Variants in HTR4 observed in about 807,000 individuals in gnomAD.
HTR4 encodes the protein 5-hydroxytryptamine receptor 4, also known as 5-hydroxytryptamine (serotonin) receptor 4, G protein-coupled.
A neutral mutation model predicts 36.8 loss-of-function variants in HTR4; 16 were observed. The ratio of observed to expected loss-of-function variants is 0.43; its 90% confidence interval spans 0.29 to 0.66. The LOEUF (loss-of-function observed/expected upper bound fraction) is 0.66. Among genes scored for constraint, HTR4 ranks in the 30% least tolerant of loss-of-function variants. The probability of loss-of-function intolerance (pLI) is 0.13; values close to 1 mark genes in which losing one functional copy is unlikely to be tolerated. For missense variants in HTR4, 438 were observed against 490.9 expected, an observed-to-expected ratio of 0.89 and a Z score of 1.02; for synonymous variants, 189 against 185.1, an observed-to-expected ratio of 1.02 and a Z score of -0.17.
chr5:148,490,632 C>G, intron 6 of HTR4: 4 of 1,171,052 alleles, frequency 3.4e-6, no homozygotes, highest in Non-Finnish European at 4.3e-6. Flanking sequence ...AATGAACATT[C>G]AGTTCTTCCA....
chr5:148,456,421 G>A, intron 5 of HTR4, among the ~76,000 whole-genome samples: 1 of 152,128 alleles, frequency 6.6e-6, no homozygotes, highest in East Asian at 1.9e-4. Context: ...CAGTCTGTAG[G>A]CCCATTCATG....
At chr5:148,512,669 A>C (rs1318262221) in intron 5 of HTR4, among the ~76,000 whole-genome samples, 1 of 152,152 alleles carries the variant, frequency 6.6e-6, no homozygotes, top group Non-Finnish European at 1.5e-5. Flanking sequence ...GGTGACTTAC[A>C]TCTGTAATCC....
chr5:148,584,679 C>T (rs909882534), intron 2 of HTR4, among the ~76,000 whole-genome samples: 1 of 152,178 alleles, frequency 6.6e-6, no homozygotes, highest in Non-Finnish European at 1.5e-5. Flanking sequence ...CTCCATCAAG[C>T]TACTCTCTTT....
intron 2 of HTR4, among the ~76,000 whole-genome samples, chr5:148,618,022 C>T (rs1270431508): frequency 6.6e-6 from 1 of 151,852 alleles, no homozygotes; most frequent in African/African-American, 2.4e-5. Flanking sequence ...CCTGGGCCAG[C>T]TCTCTCCAAA....
intron 1 of HTR4, among the ~76,000 whole-genome samples, chr5:148,641,769 C>T (rs184688234): frequency 6.6e-6 from 1 of 152,174 alleles, no homozygotes; most frequent in Non-Finnish European, 1.5e-5. Flanking sequence ...GTTTTAAGTG[C>T]AAACCCCAAA....
downstream of HTR4, among the ~76,000 whole-genome samples, chr5:148,478,065 CAA>C (rs1322541090): frequency 2.6e-5 from 4 of 152,284 alleles, no homozygotes; most frequent in Middle Eastern, 3.4e-3. Flanking sequence ...TAGTTTCTGA[CAA>C]GAGAGAGTAG....
chr5:148,483,102 C>CG lies in HTR4; in HGVS notation c.*100_*101insC, dbSNP rs1755967500. Reference sequence around the variant, plus strand: ...TCCTGCACTGGCGGACGGAAAGCCTCAGGTGAAGAGAATACCGGGTGCAGT... The same window carrying CG: ...TCCTGCACTGGCGGACGGAAAGCCTCGAGGTGAAGAGAATACCGGGTGCAGT... On this transcript the variant is annotated 3_prime_UTR_variant, in exon 7 of 7. Coordinates refer to ENST00000377888, the MANE Select transcript of HTR4 (RefSeq NM_000870.7). 8 of 1,557,968 alleles carry CG rather than the reference C, an allele frequency of 5.1e-6. No homozygotes were observed. The highest frequency in any genetic ancestry group is 7.0e-6 in the Non-Finnish European group (8 of 1,148,850).
At chr5:148,508,173 C>G (rs964257886) in intron 6 of HTR4, among the ~76,000 whole-genome samples, 1 of 152,094 alleles carries the variant, frequency 6.6e-6, no homozygotes, top group African/African-American at 2.4e-5. Context: ...AAAATATCCC[C>G]CAATTTTCAG....
At position 148,530,534 on chromosome 5, in the gene HTR4, T is replaced by C. The variant is rs185861704; in HGVS notation, c.354-7188A>G. On this transcript the variant is annotated intron_variant, in intron 4 of 6. Coordinates refer to ENST00000377888, the MANE Select transcript of HTR4 (RefSeq NM_000870.7). Reference sequence around the variant, plus strand: ...ACCTCCACCTAGATTACAGAGGATGTATGGAAATGCCTGGATGCCCAGGCA... The same window carrying C: ...ACCTCCACCTAGATTACAGAGGATGCATGGAAATGCCTGGATGCCCAGGCA... 2.6e-4 allele frequency among the ~76,000 whole-genome samples: 40 copies of C among 152,224 alleles called. No homozygotes were observed. The East Asian group carries it at 5.6e-3, about 21-fold the overall frequency.
At chr5:148,458,747 G>A (rs751392282) in intron 5 of HTR4, among the ~76,000 whole-genome samples, 2 of 152,132 alleles carry the variant, frequency 1.3e-5, no homozygotes, top group Non-Finnish European at 2.9e-5. Context: ...CTAAGATGAG[G>A]GCACAAAGTC....
At chr5:148,453,951 T>G (rs1755036055) in intron 5 of HTR4, among the ~76,000 whole-genome samples, 1 of 152,154 alleles carries the variant, frequency 6.6e-6, no homozygotes, top group South Asian at 2.1e-4. Flanking sequence ...GATATAGAAA[T>G]ATAACTCCCA....
At position 148,496,634 on chromosome 5, in the gene HTR4, A is replaced by G. The variant is rs1012283902; in HGVS notation, c.1076+12822T>C. Among the ~76,000 whole-genome samples the G allele has an allele frequency of 3.3e-5, 5 of 152,198 alleles. 1 individual carries two copies. Among genetic ancestry groups the G allele is most frequent in the Admixed American group, 3.3e-4 (5 of 15,266 alleles). ...CCACAGGGATGGAAACGTCAACTCA[A>G]TATCAGGAAAACCTTTCAAGCTCTA... On this transcript the variant is annotated intron_variant, in intron 6 of 6. Transcript: ENST00000377888.
At chr5:148,614,654 T>C (rs951261340) in intron 2 of HTR4, among the ~76,000 whole-genome samples, 4 of 152,084 alleles carry the variant, frequency 2.6e-5, no homozygotes, top group African/African-American at 9.7e-5. Flanking sequence ...CCAAAAGCAA[T>C]GGCAACAAAA....
chr5:148,565,486 A>G (rs1027463056), intron 2 of HTR4, among the ~76,000 whole-genome samples: 4 of 152,132 alleles, frequency 2.6e-5, no homozygotes, highest in African/African-American at 9.7e-5. Flanking sequence ...AACTCATAGG[A>G]GTGGAGATGG....
At chr5:148,535,564 AAC>A (rs1048081748) in intron 4 of HTR4, among the ~76,000 whole-genome samples, 2 of 152,230 alleles carry the variant, frequency 1.3e-5, no homozygotes, top group African/African-American at 4.8e-5. Flanking sequence ...AGAGCTGACT[AAC>A]ACAACACAAG....
chr5:148,564,977 G>T lies in HTR4; in HGVS notation c.27-14715C>A, dbSNP rs568152297. 2.3e-3 allele frequency among the ~76,000 whole-genome samples: 346 copies of T among 151,996 alleles called. 2 individuals are homozygous for T. The highest frequency in any genetic ancestry group is 8.1e-3 in the African/African-American group (336 of 41,472). On this transcript the variant is annotated intron_variant, in intron 2 of 6. Coordinates refer to ENST00000377888, the MANE Select transcript of HTR4 (RefSeq NM_000870.7). Reference sequence around the variant, plus strand: ...ATACAAAAATTAGCCAGGCATGGTGGCAGGCACCTATAATACCAGCTACTC... The same window carrying T: ...ATACAAAAATTAGCCAGGCATGGTGTCAGGCACCTATAATACCAGCTACTC...
intron 1 of HTR4, among the ~76,000 whole-genome samples, chr5:148,641,491 T>G (rs1489288873): frequency 1.3e-5 from 2 of 152,230 alleles, no homozygotes; most frequent in Non-Finnish European, 1.5e-5. Flanking sequence ...AGCAAACTCT[T>G]CTACCAATGT....
intron 6 of HTR4, among the ~76,000 whole-genome samples, chr5:148,485,884 A>G (rs1192481951): frequency 1.3e-5 from 2 of 152,212 alleles, no homozygotes; most frequent in Admixed American, 1.3e-4. Context: ...GTTCTTTGAG[A>G]AATGTTTCCG....
chr5:148,473,071 G>C (rs1361652768), downstream of HTR4, among the ~76,000 whole-genome samples: 1 of 152,044 alleles, frequency 6.6e-6, no homozygotes, highest in East Asian at 1.9e-4. Flanking sequence ...AGGCCGAGGC[G>C]GGTGGATCAC....
Sources: allele counts gnomAD v4.1 joint callset (sites outside exome capture counted in the v4.1 genomes callset), GRCh38; gene constraint gnomAD v4.1.1; transcripts MANE v1.5; gene names NCBI Gene and HGNC (gene_info 2026-07-23, HGNC 2026-07-21).